GNAO1: variants seen among roughly 807,000 people sequenced by gnomAD.
The protein encoded by GNAO1 is guanine nucleotide-binding protein G(o) subunit alpha.
For synonymous variants in GNAO1, 164 were observed against 180.7 expected, an observed-to-expected ratio of 0.91 and a Z score of 0.74; for missense variants, 166 against 478.7, an observed-to-expected ratio of 0.35 and a Z score of 6.10.
At chr16:56,331,505 C>T (rs57508292) in intron 4 of GNAO1, among the ~76,000 whole-genome samples, 1 of 152,112 alleles carries the variant, frequency 6.6e-6, no homozygotes, top group Non-Finnish European at 1.5e-5. Context: ...GGGGGCTGCT[C>T]CATCAGCCTC....
At chr16:56,269,691 G>A (rs904140965) in intron 2 of GNAO1, among the ~76,000 whole-genome samples, 10 of 152,296 alleles carry the variant, frequency 6.6e-5, no homozygotes, top group Middle Eastern at 3.4e-3. Flanking sequence ...GAGCCAGGGC[G>A]CTGATAAAGG....
chr16:56,207,943 T>C (rs982803333), intron 2 of GNAO1, among the ~76,000 whole-genome samples: 27 of 152,156 alleles, frequency 1.8e-4, no homozygotes, highest in African/African-American at 6.5e-4. Context: ...CCCAAGAATG[T>C]CCCTAAATAT....
chr16:56,192,209 G>T lies in GNAO1; in HGVS notation c.-27G>T, dbSNP rs376241293. 678 of 1,315,622 alleles carry T rather than the reference G, an allele frequency of 5.2e-4. No homozygotes were observed. The highest frequency in any genetic ancestry group is 6.6e-4 in the Non-Finnish European group (610 of 924,710). 81.5% of individuals were successfully genotyped at this position (1,315,622 alleles called of 1,614,324 possible). A position where few individuals can be genotyped will look rare whatever the true frequency, so the allele number is the denominator to read the frequency against. On this transcript the variant is annotated 5_prime_UTR_variant, in exon 1 of 9. Transcript: ENST00000262493. ...CGGGGAGCCGTGCCAGCCGAGTCGT[G>T]CGGGCTGTGGCAGGGAAGGGGCCAC...
chr16:56,286,695 C>CTGTGTGTGTGTG (rs57968280), intron 3 of GNAO1, among the ~76,000 whole-genome samples: 13 of 145,000 alleles, frequency 9.0e-5, no homozygotes, highest in African/African-American at 3.0e-4. Context: ...TCTGTCGCCT[C>CTGTGTGTGTGTG]TGTGTGTGTG....
intron 3 of GNAO1, among the ~76,000 whole-genome samples, chr16:56,304,283 C>T (rs1273037231): frequency 6.6e-6 from 1 of 152,244 alleles, no homozygotes; most frequent in East Asian, 1.9e-4. Context: ...GTACTGAGGG[C>T]CTGTGTTCTC....
Position 56,292,619 on chromosome 16 carries a change from C to T in GNAO1, c.303+16547C>T, listed in dbSNP as rs912532226. Among the ~76,000 whole-genome samples, 14 of 152,266 alleles carry T rather than the reference C, an allele frequency of 9.2e-5. No homozygotes were observed. The South Asian group carries it at 2.9e-3, about 32-fold the overall frequency. ...TCAAGTGATCCACCCACCTCAGCCT[C>T]CCAAAGTGCTGGGATTACAAGCATG... is the stretch of plus-strand genomic sequence containing the variant. On this transcript the variant is annotated intron_variant, in intron 3 of 8. Coordinates refer to ENST00000262493, the MANE Select transcript of GNAO1 (RefSeq NM_020988.3).
In GNAO1 at chr16:56,222,724, C is replaced by T. The variant is rs568016643; in HGVS notation, c.161+30108C>T. Among the ~76,000 whole-genome samples, 29 of 152,222 alleles carry T rather than the reference C, an allele frequency of 1.9e-4. 1 individual carries two copies. The highest frequency in any genetic ancestry group is 6.3e-4 in the African/African-American group (26 of 41,530). ...AAGGAAATGCAGAAATGGAGTGAGC[C>T]GAGGAAAAACCCAGGGGCGACAGAT... On this transcript the variant is annotated intron_variant, in intron 2 of 8. Transcript: ENST00000262493.
At chr16:56,264,191 A>G (rs111284540) in intron 2 of GNAO1, among the ~76,000 whole-genome samples, 1,582 of 152,346 alleles carry the variant, frequency 0.01, 13 homozygotes, top group Middle Eastern at 0.017. Flanking sequence ...TTGATGGCCA[A>G]TCTGCATAAG....
chr16:56,336,465 G>C (rs2037741048), intron 5 of GNAO1: 1 of 362,326 alleles, frequency 2.8e-6, no homozygotes, highest in Non-Finnish European at 5.0e-6. Context: ...TTAGTAAAAT[G>C]CTCCTCAGAT....
chr16:56,325,912 C>T (rs1441088564), intron 3 of GNAO1, among the ~76,000 whole-genome samples: 1 of 152,208 alleles, frequency 6.6e-6, no homozygotes, highest in Non-Finnish European at 1.5e-5. Flanking sequence ...ACTAGCGACT[C>T]TGGGGCCACA....
chr16:56,198,115 A>G (rs1225544332), intron 2 of GNAO1, among the ~76,000 whole-genome samples: 7 of 152,250 alleles, frequency 4.6e-5, no homozygotes, highest in Non-Finnish European at 8.8e-5. Flanking sequence ...ACACTAATAG[A>G]GAAAACTTTT....
At chr16:56,334,915 C>T in intron 5 of GNAO1, 58 bp downstream of exon 5, 1 of 1,583,638 alleles carries the variant, frequency 6.3e-7, no homozygotes, top group African/African-American at 1.3e-5. Context: ...CATGCCCAGC[C>T]TCTCAGCGCA....
intron 3 of GNAO1, among the ~76,000 whole-genome samples, chr16:56,299,923 C>G (rs770276958): frequency 6.6e-6 from 1 of 152,088 alleles, no homozygotes; most frequent in Non-Finnish European, 1.5e-5. Flanking sequence ...AGAAACCACT[C>G]AGATGCCTGT....
intron 3 of GNAO1, among the ~76,000 whole-genome samples, chr16:56,320,684 G>C (rs1398338487): frequency 1.3e-5 from 2 of 152,160 alleles, no homozygotes; most frequent in Non-Finnish European, 2.9e-5. Context: ...GAATGATGAG[G>C]TGGGGGCATT....
At chr16:56,217,598 G>A (rs2036447432) in intron 2 of GNAO1, among the ~76,000 whole-genome samples, 2 of 152,306 alleles carry the variant, frequency 1.3e-5, no homozygotes, top group Middle Eastern at 3.4e-3. Context: ...GAGGCCCTGG[G>A]TAAGGGGGTT....
intron 2 of GNAO1, among the ~76,000 whole-genome samples, chr16:56,207,898 C>T (rs1301958645): frequency 1.3e-5 from 2 of 152,168 alleles, no homozygotes; most frequent in African/African-American, 4.8e-5. Context: ...ACTCAGGTAA[C>T]CATCACTAGG....
At chr16:56,277,263 G>C (rs1220869712) in intron 3 of GNAO1, among the ~76,000 whole-genome samples, 1 of 152,220 alleles carries the variant, frequency 6.6e-6, no homozygotes, top group East Asian at 1.9e-4. Flanking sequence ...TGGAGGCCAA[G>C]TTGGGAAGTG....
intron 2 of GNAO1, among the ~76,000 whole-genome samples, chr16:56,262,538 G>C (rs1237697078): frequency 6.6e-6 from 1 of 152,072 alleles, no homozygotes; most frequent in African/African-American, 2.4e-5. Context: ...CAACAGGAAG[G>C]CAGGAAGTTT....
At chr16:56,206,887 C>T (rs535217203) in intron 2 of GNAO1, among the ~76,000 whole-genome samples, 1 of 152,176 alleles carries the variant, frequency 6.6e-6, no homozygotes. Flanking sequence ...TTTGCTGATC[C>T]CAGTGGCTTC....
Sources: allele counts gnomAD v4.1 joint callset (sites outside exome capture counted in the v4.1 genomes callset), GRCh38; gene constraint gnomAD v4.1.1; transcripts MANE v1.5; gene names NCBI Gene and HGNC (gene_info 2026-07-23, HGNC 2026-07-21).